TMEM182: variants seen among roughly 807,000 people sequenced by gnomAD.
The protein encoded by TMEM182 is transmembrane protein 182.
Under a neutral mutation model 26.8 loss-of-function variants are expected in TMEM182, and 20 were observed. The observed-to-expected ratio is 0.75, with a 90% CI of 0.53 to 1.09. The LOEUF (loss-of-function observed/expected upper bound fraction) is 1.09. Ranked by LOEUF, TMEM182 falls within the 50% of genes least tolerant of loss-of-function variation. The probability of loss-of-function intolerance (pLI) is 0.00; values close to 1 mark genes in which losing one functional copy is unlikely to be tolerated. For missense variants in TMEM182, 277 were observed against 275.5 expected (o/e 1.01, Z -0.04); for synonymous variants, 109 against 102.2 (o/e 1.07, Z -0.40).
At chr2:102,740,497 T>C in intron 1 of TMEM182, among the ~76,000 whole-genome samples, 1 of 152,194 alleles carries the variant, frequency 6.6e-6, no homozygotes, top group East Asian at 1.9e-4. Flanking sequence ...TCCTCAGACT[T>C]GCTGAACTGT....
intron 3 of TMEM182, among the ~76,000 whole-genome samples, chr2:102,776,582 C>A (rs146675784): frequency 6.6e-6 from 1 of 152,112 alleles, no homozygotes; most frequent in Non-Finnish European, 1.5e-5. Context: ...TCTTGGTTGC[C>A]TGTAAGCTTT....
chr2:102,767,746 T>C (rs1680510351), intron 3 of TMEM182, among the ~76,000 whole-genome samples: 2 of 152,228 alleles, frequency 1.3e-5, no homozygotes, highest in Admixed American at 1.3e-4. Flanking sequence ...ATAAACTAGT[T>C]TGATTTTATT....
chr2:102,780,449 T>C (rs1681118715), intron 3 of TMEM182, among the ~76,000 whole-genome samples: 1 of 152,148 alleles, frequency 6.6e-6, no homozygotes, highest in Non-Finnish European at 1.5e-5. Flanking sequence ...AAGACCTCAT[T>C]ACAGCTCTAA....
At chr2:102,833,530 C>T (rs1683188175) in intron 3 of TMEM182, among the ~76,000 whole-genome samples, 1 of 152,180 alleles carries the variant, frequency 6.6e-6, no homozygotes, top group Admixed American at 6.5e-5. Flanking sequence ...AGGTTAACAT[C>T]CCAGGAAACC....
downstream of TMEM182, among the ~76,000 whole-genome samples, chr2:102,820,107 A>C (rs1421717803): frequency 6.6e-6 from 1 of 152,200 alleles, no homozygotes; most frequent in Non-Finnish European, 1.5e-5. Context: ...CCCTTGCAGA[A>C]GATTATACTG....
chr2:102,805,842 G>A (rs1040356472), intron 4 of TMEM182, among the ~76,000 whole-genome samples: 61 of 152,080 alleles, frequency 4.0e-4, no homozygotes, highest in Non-Finnish European at 1.8e-4. Flanking sequence ...CCAGGAGTTG[G>A]AAGCTGCAGT....
At chr2:102,772,040 T>G (rs374179710) in intron 3 of TMEM182, among the ~76,000 whole-genome samples, 47 of 152,368 alleles carry the variant, frequency 3.1e-4, no homozygotes, top group African/African-American at 1.0e-3. Context: ...ATACTCATAC[T>G]GCTTACACTG....
chr2:102,839,056 A>G (rs1683301422), intron 3 of TMEM182, among the ~76,000 whole-genome samples: 1 of 152,174 alleles, frequency 6.6e-6, no homozygotes, highest in African/African-American at 2.4e-5. Context: ...TTTGTTTCTG[A>G]TAAAGAGGTT....
intron 4 of TMEM182, among the ~76,000 whole-genome samples, chr2:102,812,977 G>A (rs960674726): frequency 1.3e-5 from 2 of 152,140 alleles, no homozygotes; most frequent in Non-Finnish European, 2.9e-5. Flanking sequence ...CTGAGGTATG[G>A]CGTTGTAAGG....
chr2:102,827,057 G>C (rs563494868), intron 3 of TMEM182, among the ~76,000 whole-genome samples: 5 of 152,170 alleles, frequency 3.3e-5, no homozygotes, highest in African/African-American at 1.2e-4. Context: ...CCTTTGAAAC[G>C]GGTCGCTCTC....
At chr2:102,749,634 T>C (rs1452811130) in intron 1 of TMEM182, among the ~76,000 whole-genome samples, 1 of 152,182 alleles carries the variant, frequency 6.6e-6, no homozygotes, top group Admixed American at 6.5e-5. Flanking sequence ...GAACCAATCA[T>C]CTGGTGTGAA....
chr2:102,818,035 G>T (rs946726524), downstream of TMEM182, among the ~76,000 whole-genome samples: 3 of 152,116 alleles, frequency 2.0e-5, no homozygotes, highest in African/African-American at 7.2e-5. Flanking sequence ...GGCAGATATT[G>T]GATACCAGTA....
chr2:102,787,693 G>A (rs898035672), intron 3 of TMEM182, among the ~76,000 whole-genome samples: 1 of 152,220 alleles, frequency 6.6e-6, no homozygotes, highest in African/African-American at 2.4e-5. Context: ...AGCCAGAATG[G>A]GAAGATTTGA....
chr2:102,743,875 T>C (rs1283759575), intron 1 of TMEM182, among the ~76,000 whole-genome samples: 2 of 152,180 alleles, frequency 1.3e-5, no homozygotes, highest in African/African-American at 2.4e-5. Flanking sequence ...AAAAGAGTAC[T>C]GCATAACGAT....
intron 4 of TMEM182, among the ~76,000 whole-genome samples, chr2:102,808,290 G>C (rs1186675078): frequency 6.6e-6 from 1 of 152,168 alleles, no homozygotes; most frequent in Non-Finnish European, 1.5e-5. Context: ...GAGCCATTCA[G>C]CTTTCCAATC....
upstream of TMEM182, among the ~76,000 whole-genome samples, chr2:102,759,923 C>T (rs551642926): frequency 5.9e-5 from 9 of 152,236 alleles, no homozygotes; most frequent in South Asian, 1.5e-3. Flanking sequence ...GACAGGTTCC[C>T]GGGTTTTCAT....
At chr2:102,801,892 C>T (rs1261733382) in intron 4 of TMEM182, among the ~76,000 whole-genome samples, 1 of 152,124 alleles carries the variant, frequency 6.6e-6, no homozygotes, top group Non-Finnish European at 1.5e-5. Flanking sequence ...TTTTATTTTT[C>T]TTTCTTTAAT....
chr2:102,841,195 C>T (rs1406175795), intron 3 of TMEM182, among the ~76,000 whole-genome samples: 1 of 152,132 alleles, frequency 6.6e-6, no homozygotes, highest in African/African-American at 2.4e-5. Context: ...GTGACAGTCC[C>T]ACGGAGCTCT....
chr2:102,829,289 T>C (rs1683104154), intron 3 of TMEM182, among the ~76,000 whole-genome samples: 1 of 152,148 alleles, frequency 6.6e-6, no homozygotes, highest in Non-Finnish European at 1.5e-5. Context: ...GATAGGTCCC[T>C]AGTTTATGCC....
Sources: gnomAD v4.1 joint callset for allele counts (sites outside exome capture counted in the v4.1 genomes callset) on GRCh38, gnomAD v4.1.1 for gene constraint, MANE v1.5 for transcripts, NCBI Gene and HGNC (gene_info 2026-07-23, HGNC 2026-07-21) for gene names.